EDA2R: variants seen among roughly 807,000 people sequenced by gnomAD.
EDA2R encodes the protein tumor necrosis factor receptor superfamily member 27.
In EDA2R, 26 loss-of-function variants were observed where a neutral mutation model predicts 20.1. The ratio of observed to expected loss-of-function variants is 1.30; its 90% CI spans 0.95 to 1.80. The LOEUF (loss-of-function observed/expected upper bound fraction) is 1.80, where lower values mean the gene tolerates loss of function less well. EDA2R is among the 40% of genes most tolerant of loss of function. The probability of loss-of-function intolerance (pLI) is 0.00; values close to 1 mark genes in which losing one functional copy is unlikely to be tolerated. For synonymous variants in EDA2R, 114 were observed against 88.7 expected (o/e 1.29, Z -1.60); for missense variants, 277 against 228.7 (o/e 1.21, Z -1.36).
At chrX:66,631,223 G>T (rs769418381) in intron 1 of EDA2R, among the ~76,000 whole-genome samples, 1 of 110,651 alleles carries the variant, frequency 9.0e-6, no homozygotes, top group African/African-American at 3.3e-5. Flanking sequence ...GCAGTGAAGG[G>T]GGGCGAGGGA....
In EDA2R at chrX:66,596,945, A is replaced by G. The variant is rs1249529646; in HGVS notation, c.*1159T>C. 2 of 112,520 alleles carry G rather than the reference A, an allele frequency of 1.8e-5. No homozygotes were observed. The highest frequency in any genetic ancestry group is 6.5e-5 in the African/African-American group (2 of 30,988). The allele number at this position is 112,520 out of a possible 1,213,427, so 9.3% of individuals were successfully genotyped here. ...CCAAGTCCTTTTAGTAATCTGATCA[A>G]TTGGTTGCCCCAGGGGCCCTTAATC... On this transcript the variant is annotated 3_prime_UTR_variant, in exon 7 of 7. Transcript: ENST00000374719.
In EDA2R at chrX:66,602,619, A is replaced by G; in HGVS notation, c.517+14T>C. On this transcript the variant is annotated intron_variant, in intron 5 of 6. Coordinates refer to ENST00000374719, the MANE Select transcript of EDA2R (RefSeq NM_021783.5). Reference sequence around the variant, plus strand: ...GTTCCTGATTCATGTGAAACATGAAACAGCCACCCTTACCACGCTGGCAAT... The same window carrying G: ...GTTCCTGATTCATGTGAAACATGAAGCAGCCACCCTTACCACGCTGGCAAT... 2 of 1,182,100 alleles carry G rather than the reference A, an allele frequency of 1.7e-6. No individual in the cohort carries two copies. Among genetic ancestry groups the G allele is most frequent in the Non-Finnish European group, 2.3e-6 (2 of 880,904 alleles).
intron 1 of EDA2R, among the ~76,000 whole-genome samples, chrX:66,625,079 C>T (rs1415552288): frequency 2.7e-5 from 3 of 111,585 alleles, no homozygotes; most frequent in African/African-American, 6.5e-5. Context: ...TCAGAAGGGT[C>T]GCCAGAGGCA....
chrX:66,607,734 G>C (rs1929956724), intron 2 of EDA2R, among the ~76,000 whole-genome samples: 2 of 111,764 alleles, frequency 1.8e-5, no homozygotes, highest in Admixed American at 9.5e-5. Flanking sequence ...AGTAAAACAG[G>C]AAGAGGGGAA....
chrX:66,610,272 AAC>A (rs10657734), intron 2 of EDA2R, among the ~76,000 whole-genome samples: 4,125 of 87,388 alleles, frequency 0.047, 226 homozygotes, highest in African/African-American at 0.15. Context: ...CAGATACACA[AAC>A]ACACACACAC....
intron 1 of EDA2R, among the ~76,000 whole-genome samples, chrX:66,626,117 C>T (rs1246318528): frequency 9.0e-6 from 1 of 111,433 alleles, no homozygotes; most frequent in Non-Finnish European, 1.9e-5. Flanking sequence ...CTTTAACACC[C>T]CCCAAAAATC....
At chrX:66,624,557 A>T (rs1452114912) in intron 1 of EDA2R, among the ~76,000 whole-genome samples, 2 of 111,833 alleles carry the variant, frequency 1.8e-5, no homozygotes, top group East Asian at 5.6e-4. Flanking sequence ...GAAGAAGATC[A>T]CATGATGAGG....
intron 1 of EDA2R, among the ~76,000 whole-genome samples, chrX:66,628,466 A>G (rs1363170909): frequency 9.0e-6 from 1 of 111,666 alleles, no homozygotes; most frequent in African/African-American, 3.3e-5. Context: ...AAAAGAAGTC[A>G]GAAAATCCAA....
In EDA2R at chrX:66,603,720, G is replaced by A. The variant is rs544157676; in HGVS notation, c.352+701C>T. Among the ~76,000 whole-genome samples the A allele has an allele frequency of 9.8e-5, 11 of 112,276 alleles. No homozygotes were observed. The South Asian group carries it at 4.0e-3, about 41-fold the overall frequency. ...TGGTTGTATCTGAGGAGGTAGGGAG[G>A]TAATAGGACTCTGAGAGAATCTAGA... is the stretch of plus-strand genomic sequence containing the variant. On this transcript the variant is annotated intron_variant, in intron 4 of 6. Transcript: ENST00000374719.
chrX:66,614,774 C>T (rs1931385374), intron 2 of EDA2R, among the ~76,000 whole-genome samples: 1 of 111,677 alleles, frequency 9.0e-6, no homozygotes, highest in Non-Finnish European at 1.9e-5. Context: ...TATAACTTTC[C>T]AACCCAAAAC....
intron 1 of EDA2R, 110 bp from the exon 2 acceptor site, chrX:66,616,140 ATAG>A (rs1931644180): frequency 2.0e-6 from 1 of 502,052 alleles, no homozygotes; most frequent in African/African-American, 2.4e-5. Flanking sequence ...TAGATCTGAG[ATAG>A]TAGGGACGAG....
intron 1 of EDA2R, among the ~76,000 whole-genome samples, chrX:66,624,593 G>A (rs1399434841): frequency 2.7e-5 from 3 of 111,912 alleles, no homozygotes; most frequent in Admixed American, 9.4e-5. Context: ...CTGAGATCTT[G>A]CTCAAGATCT....
In EDA2R at chrX:66,605,097, C is replaced by T. The variant is rs1187812409; in HGVS notation, c.217G>A (p.Val73Ile). 1 of 1,209,252 alleles carries T rather than the reference C, an allele frequency of 8.3e-7. No homozygotes were observed. Among genetic ancestry groups the T allele is most frequent in the East Asian group, 3.0e-5 (1 of 33,718 alleles). ...TCAVINRVQK[V>I]NCTATSNAVC... ...GCATTAGAGGTAGCTGTGCAGTTGA[C>T]CTTCTGAACACGATTGATGACAGCA... Residue 73 changes from valine to isoleucine, a missense_variant, in exon 3 of 7, where the codon GTC (valine) becomes ATC (isoleucine). Coordinates refer to ENST00000374719, the MANE Select transcript of EDA2R (RefSeq NM_021783.5).
At chrX:66,619,189 C>G in intron 1 of EDA2R, among the ~76,000 whole-genome samples, 1 of 111,714 alleles carries the variant, frequency 9.0e-6, no homozygotes, top group South Asian at 3.8e-4. Context: ...ATGGATGCCA[C>G]TATAGCAGTT....
At position 66,597,797 on chromosome X, in the gene EDA2R, T is replaced by C; in HGVS notation, c.*307A>G. 6.7e-6 allele frequency: 1 copy of C among 148,286 alleles called. No homozygotes were observed. The highest frequency in any genetic ancestry group is 1.7e-4 in the South Asian group (1 of 5,949). The allele number at this position is 148,286 out of a possible 1,213,427, so 12.2% of individuals were successfully genotyped here. A position where few individuals can be genotyped will look rare whatever the true frequency, so the allele number is the denominator to read the frequency against. ...ACCAAAAATGCAGACATGAAAACCC[T>C]ACCCCATTCACTGTCCTCTCTCCTC... On this transcript the variant is annotated 3_prime_UTR_variant, in exon 7 of 7. Transcript: ENST00000374719.
intron 1 of EDA2R, among the ~76,000 whole-genome samples, chrX:66,616,289 G>A (rs1327105263): frequency 1.8e-5 from 2 of 112,424 alleles, no homozygotes; most frequent in Non-Finnish European, 3.8e-5. Context: ...ACATTTTACA[G>A]ATGAAGAAAC....
At chrX:66,613,515 G>A (rs781343902) in intron 2 of EDA2R, among the ~76,000 whole-genome samples, 5 of 111,672 alleles carry the variant, frequency 4.5e-5, no homozygotes, top group East Asian at 5.6e-4. Context: ...AGTAATTACT[G>A]TTAAAAGGAA....
chrX:66,605,677 GT>G (rs917377077), intron 2 of EDA2R, among the ~76,000 whole-genome samples: 1 of 111,492 alleles, frequency 9.0e-6, no homozygotes, highest in African/African-American at 3.3e-5. Flanking sequence ...AGCTCTTAAA[GT>G]TTTCCCCAAG....
chrX:66,629,372 A>C (rs1426085433), intron 1 of EDA2R, among the ~76,000 whole-genome samples: 1 of 111,749 alleles, frequency 8.9e-6, no homozygotes, highest in Non-Finnish European at 1.9e-5. Context: ...AATAAAGGGC[A>C]TCCAAACTGG....
Sources: allele counts gnomAD v4.1 joint callset (sites outside exome capture counted in the v4.1 genomes callset), GRCh38; gene constraint gnomAD v4.1.1; transcripts MANE v1.5; gene names NCBI Gene and HGNC (gene_info 2026-07-23, HGNC 2026-07-21).